Variants in LLGL2 observed in about 807,000 individuals in gnomAD.
The protein encoded by LLGL2 is LLGL scribble cell polarity complex component 2.
LLGL2 carries 81 observed loss-of-function variants against 123.2 expected under a neutral mutation model. The observed-to-expected ratio is 0.66, with a 90% CI of 0.55 to 0.79. The LOEUF is 0.79. Ranked by LOEUF, LLGL2 falls within the 30% of genes least tolerant of loss-of-function variation. LLGL2 has a pLI of 0.00. For synonymous variants in LLGL2, 577 were observed against 594.1 expected (o/e 0.97, Z 0.42); for missense variants, 1,273 against 1,414.6 (o/e 0.90, Z 1.61).
chr17:75,573,146 G>C lies in LLGL2; in HGVS notation c.2593G>C (p.Ala865Pro), dbSNP rs2055803591. Residue 865 changes from alanine (A) to proline (P), a missense_variant, in exon 20 of 26, where the codon GCA becomes CCA. Physicochemically the swap from Ala to Pro is conservative, Grantham distance 27. Transcript: ENST00000392550. ...CGAGGACTACGGGGAGCACCACCTG[G>C]CAGTCCTTACCAACCTGGGCGACAT... ...RAEDYGEHHL[A>P]VLTNLGDIQV... 1 of 1,613,040 alleles carries C rather than the reference G, an allele frequency of 6.2e-7. No individual in the cohort carries two copies. Among genetic ancestry groups the C allele is most frequent in the Admixed American group, 1.7e-5 (1 of 60,020 alleles).
At position 75,573,967 on chromosome 17, in the gene LLGL2, G is replaced by A. The variant is rs886773716; in HGVS notation, c.2892G>A (p.Gln964=). 1.3e-6 allele frequency: 2 copies of A among 1,550,780 alleles called. No individual in the cohort carries two copies. The highest frequency in any genetic ancestry group is 1.4e-5 in the African/African-American group (1 of 73,066). The change falls in exon 22 of 26, where the codon CAG becomes CAA. Residue 964 remains glutamine (Q), a synonymous_variant. Coordinates refer to ENST00000392550, the MANE Select transcript of LLGL2 (RefSeq NM_001031803.2). ...APSRARNSGT[Q]SDGEEKQPGL... is the part of the protein sequence containing the mutation. ...TCCCCCACAGGAACTCAGGGACTCA[G>A]AGTGATGGCGAGGGTAAGACAGGCC...
Position 75,559,488 on chromosome 17 carries a change from G to A in LLGL2, c.530+78G>A, listed in dbSNP as rs2147393846. 18 of 1,483,186 alleles carry A rather than the reference G, an allele frequency of 1.2e-5. No individual in the cohort carries two copies. Among genetic ancestry groups the A allele is most frequent in the Non-Finnish European group, 1.6e-5 (18 of 1,112,034 alleles). 91.9% of individuals were successfully genotyped at this position (1,483,186 alleles called of 1,614,324 possible). A position where few individuals can be genotyped will look rare whatever the true frequency, so the allele number is the denominator to read the frequency against. On this transcript the variant is annotated intron_variant, in intron 6 of 25. Transcript: ENST00000392550. The surrounding 1 kb of genome is among the most constrained non-coding windows in gnomAD (Gnocchi z 4.6). ...CTTCTCCCCTTGGTCCCAGGACTCT[G>A]TCAGGAGCTGTCATTTCTCTGCTGG...
chr17:75,571,362 C>T (rs1488968122), intron 17 of LLGL2: 8 of 578,808 alleles, frequency 1.4e-5, no homozygotes, highest in Non-Finnish European at 2.5e-5. Flanking sequence ...CCTTTCAGGG[C>T]CTCAGCTTGC....
rs545064793 is a variant in LLGL2, at chr17:75,564,688, C to T, written c.1036+181C>T. The stretch of plus-strand genomic sequence containing the variant: ...GTCCAGCCTGGACAACGTAGGGAGA[C>T]CCTTGTCTCTACAAAAAATAAAAAA... On this transcript the variant is annotated intron_variant, in intron 10 of 25. Transcript: ENST00000392550. This position sits in a 1 kb window ranked among gnomAD's most constrained non-coding sequence, Gnocchi z 4.9. 21 of 987,058 alleles carry T rather than the reference C, an allele frequency of 2.1e-5. No individual in the cohort carries two copies. The highest frequency in any genetic ancestry group is 1.4e-4 in the East Asian group (5 of 35,554). 61.1% of individuals were successfully genotyped at this position (987,058 alleles called of 1,614,324 possible).
rs1292610007 is a variant in LLGL2, at chr17:75,544,126, GGGGCCTGAGAAGGTCAGGAC to G, written c.75+633_75+652del. ...CCACGGGGCTTCCCTTCAGGAGTCT[GGGGCCTGAGAAGGTCAGGAC>G]GGGCCTGTACGCAGGAGGCGTGCAG... On this transcript the variant is annotated intron_variant, in intron 2 of 25. Transcript: ENST00000392550. The surrounding 1 kb of genome is among the most constrained non-coding windows in gnomAD (Gnocchi z 4.2). Among the ~76,000 whole-genome samples the G allele has an allele frequency of 6.6e-6, 1 of 152,218 alleles. No individual in the cohort carries two copies. The highest frequency in any genetic ancestry group is 1.5e-5 in the Non-Finnish European group (1 of 68,032).
At chr17:75,526,284 G>C (rs778538444) in intron 1 of LLGL2, among the ~76,000 whole-genome samples, 24 of 152,180 alleles carry the variant, frequency 1.6e-4, no homozygotes, top group Non-Finnish European at 2.9e-4. Context: ...CATCTGGGCT[G>C]TGTCCCTGCC....
intron 3 of LLGL2, 59 bp downstream of exon 3, chr17:75,556,202 G>A (rs1237256816): frequency 7.5e-7 from 1 of 1,337,698 alleles, no homozygotes; most frequent in African/African-American, 1.4e-5. Context: ...GAGATTTGGG[G>A]AGGGACATCT....
chr17:75,536,892 A>G (rs944610086), intron 1 of LLGL2, among the ~76,000 whole-genome samples: 1 of 152,026 alleles, frequency 6.6e-6, no homozygotes, highest in Admixed American at 6.6e-5. Context: ...CAGTGGCGCT[A>G]TCTGGGCTCA....
rs1472144154 is a variant in LLGL2 at position 75,559,609 on chromosome 17, A to G, written c.530+199A>G. Among the ~76,000 whole-genome samples, 1 of 152,214 alleles carries G rather than the reference A, an allele frequency of 6.6e-6. No homozygotes were observed. The highest frequency in any genetic ancestry group is 2.4e-5 in the African/African-American group (1 of 41,450). ...TGTCATAGGTTAGCATCATAGCACT[A>G]AAAAGGGGGCTTTGAGGGTCCCTCG... is the stretch of plus-strand genomic sequence containing the variant. On this transcript the variant is annotated intron_variant, in intron 6 of 25. Transcript: ENST00000392550. This position sits in a 1 kb window ranked among gnomAD's most constrained non-coding sequence, Gnocchi z 4.6.
intron 18 of LLGL2, 51 bp downstream of exon 18, chr17:75,571,834 T>C: frequency 6.2e-7 from 1 of 1,600,442 alleles, no homozygotes. Flanking sequence ...CTGGGCTGGG[T>C]CCAGGGAGTG....
rs2055099957 is a variant in LLGL2 at position 75,559,486 on chromosome 17, CTG to C, written c.530+78_530+79del. ...GGCTTCTCCCCTTGGTCCCAGGACT[CTG>C]TCAGGAGCTGTCATTTCTCTGCTGG... On this transcript the variant is annotated intron_variant, in intron 6 of 25. Coordinates refer to ENST00000392550, the MANE Select transcript of LLGL2 (RefSeq NM_001031803.2). This position sits in a 1 kb window ranked among gnomAD's most constrained non-coding sequence, Gnocchi z 4.6. 6.8e-7 allele frequency: 1 copy of C among 1,480,974 alleles called. No homozygotes were observed. Among genetic ancestry groups the C allele is most frequent in the East Asian group, 2.3e-5 (1 of 43,384 alleles). 91.7% of individuals were successfully genotyped at this position (1,480,974 alleles called of 1,614,324 possible).
At chr17:75,566,215 G>T (rs534406258) in intron 10 of LLGL2, among the ~76,000 whole-genome samples, 2 of 152,346 alleles carry the variant, frequency 1.3e-5, no homozygotes, top group Admixed American at 1.3e-4. Flanking sequence ...GCCAGCGCCA[G>T]ATCGTATAGA....
intron 10 of LLGL2, among the ~76,000 whole-genome samples, chr17:75,565,529 C>T (rs1042750551): frequency 6.6e-6 from 1 of 152,230 alleles, no homozygotes; most frequent in Admixed American, 6.5e-5. Context: ...CTTTCCACAA[C>T]ATTTGGGCCA....
intron 6 of LLGL2, among the ~76,000 whole-genome samples, chr17:75,561,584 A>G (rs991828737): frequency 6.6e-6 from 1 of 152,040 alleles, no homozygotes; most frequent in African/African-American, 2.4e-5. Flanking sequence ...TCAGGTCACT[A>G]CCCTCCAGCC....
intron 10 of LLGL2, chr17:75,568,064 C>G: frequency 9.3e-7 from 1 of 1,071,564 alleles, no homozygotes; most frequent in Non-Finnish European, 1.1e-6. Flanking sequence ...AAAATGCCAC[C>G]CCTAGCAACT....
intron 16 of LLGL2, 139 bp downstream of exon 16, chr17:75,570,637 C>A: frequency 9.3e-7 from 1 of 1,075,774 alleles, no homozygotes; most frequent in Non-Finnish European, 1.3e-6. Context: ...CATTGTGTGA[C>A]CTCAGACAGG....
intron 7 of LLGL2, 52 bp from the exon 8 acceptor site, chr17:75,563,279 C>G: frequency 6.2e-7 from 1 of 1,603,370 alleles, no homozygotes; most frequent in Admixed American, 1.7e-5. Flanking sequence ...GCGATGGGAA[C>G]GCCGCCTCGG....
chr17:75,570,152 G>T lies in LLGL2; in HGVS notation c.1771G>T (p.Val591Phe). 1 of 1,591,802 alleles carries T rather than the reference G, an allele frequency of 6.3e-7. No individual in the cohort carries two copies. ...VLVQCQPPAV[V>F]TSLALHSEWR... Reference sequence around the variant, plus strand: ...GGTGCAGTGTCAGCCCCCGGCTGTGGTCACCTCCTTGGCCCTGCACTCTGA... The same window carrying T: ...GGTGCAGTGTCAGCCCCCGGCTGTGTTCACCTCCTTGGCCCTGCACTCTGA... The change falls in exon 15 of 26, where the codon GTC becomes TTC. Residue 591 changes from valine (V) to phenylalanine (F), a missense_variant. Coordinates refer to ENST00000392550, the MANE Select transcript of LLGL2 (RefSeq NM_001031803.2).
intron 10 of LLGL2, chr17:75,567,968 C>G: frequency 1.5e-6 from 1 of 650,380 alleles, no homozygotes. Context: ...AAAAAAAAGA[C>G]AAATGGTTTA....
Sources: gnomAD v4.1 joint callset for allele counts (sites outside exome capture counted in the v4.1 genomes callset) on GRCh38, gnomAD v4.1.1 for gene constraint, Gnocchi (gnomAD v3.1) non-coding constraint, MANE v1.5 for transcripts, NCBI Gene and HGNC (gene_info 2026-07-23, HGNC 2026-07-21) for gene names.